The following GLIS3 variants were observed in gnomAD, a reference collection of about 807,000 sequenced individuals.
The protein encoded by GLIS3 is zinc finger protein GLIS3.
A neutral mutation model predicts 78.6 loss-of-function variants in GLIS3; 53 were observed. That is an observed-to-expected ratio of 0.67 (90% CI 0.54 to 0.85). The LOEUF (loss-of-function observed/expected upper bound fraction) is 0.85. Ranked by LOEUF, GLIS3 falls within the 40% of genes least tolerant of loss-of-function variation. GLIS3 has a pLI of 0.00. For synonymous variants in GLIS3, 684 were observed against 509.9 expected (o/e 1.34, Z -4.60); for missense variants, 1,703 against 1,231.1 (o/e 1.38, Z -5.74).
At chr9:4,205,371 A>C (rs2131279247) in intron 2 of GLIS3, among the ~76,000 whole-genome samples, 1 of 152,266 alleles carries the variant, frequency 6.6e-6, no homozygotes, top group Non-Finnish European at 1.5e-5. Flanking sequence ...CTCATATTCC[A>C]AAGCTCCTGG....
In GLIS3 at chr9:3,879,504, T is replaced by C. The variant is rs529255927; in HGVS notation, c.2220A>G (p.Gly740=). 3.1e-6 allele frequency: 5 copies of C among 1,613,998 alleles called. No individual in the cohort carries two copies. The highest frequency in any genetic ancestry group is 1.3e-5 in the African/African-American group (1 of 74,906). The change falls in exon 8 of 11, where the codon GGA becomes GGG. Residue 740 remains glycine (G), a synonymous_variant. Transcript: ENST00000381971. ...PPHPVSHPSP[G]HNVQGSPHNP... The stretch of plus-strand genomic sequence containing the variant: ...TGTGAGGGCTCCCCTGTACATTATG[T>C]CCTGGAGAAGGGTGACTGACAGGAT...
intron 2 of GLIS3, chr9:4,145,080 G>A (rs1251864917): frequency 6.6e-6 from 1 of 152,180 alleles, no homozygotes; most frequent in Non-Finnish European, 1.5e-5. Flanking sequence ...CCTTCATAAA[G>A]GTAAGGCAGA....
At chr9:4,451,770 G>T in the GLIS3 span, among the ~76,000 whole-genome samples, 3 of 152,048 alleles carry the variant, frequency 2.0e-5, no homozygotes, top group Non-Finnish European at 4.4e-5. Flanking sequence ...TGAAATGAAG[G>T]CAGAAATAAA....
chr9:3,882,151 C>T (rs1436550054), intron 7 of GLIS3, among the ~76,000 whole-genome samples: 1 of 152,186 alleles, frequency 6.6e-6, no homozygotes, highest in East Asian at 1.9e-4. Flanking sequence ...AACAAGACAT[C>T]CTCGGTGCCT....
chr9:4,230,928 C>G (rs1423417397), intron 2 of GLIS3, among the ~76,000 whole-genome samples: 1 of 152,024 alleles, frequency 6.6e-6, no homozygotes, highest in Non-Finnish European at 1.5e-5. Flanking sequence ...TGTTTAGAGC[C>G]AGGTGCAGTG....
chr9:4,344,847 C>G lies in GLIS3; in HGVS notation n.264+2234G>C, dbSNP rs140120143. On this transcript the variant is annotated intron_variant and non_coding_transcript_variant, in intron 2 of 4. Transcript: ENST00000471664. ...AATTCCTTGTCTGCTCTCTTCCTTT[C>G]AGATTGCCAAGGCTCACCCATCAGC... is the stretch of plus-strand genomic sequence containing the variant. Among the ~76,000 whole-genome samples, 243 of 152,332 alleles carry G rather than the reference C, an allele frequency of 1.6e-3. 1 individual carries two copies. Among genetic ancestry groups the G allele is most frequent in the Non-Finnish European group, 2.8e-3 (191 of 68,024 alleles).
At chr9:4,182,368 G>A (rs185502777) in intron 2 of GLIS3, among the ~76,000 whole-genome samples, 15 of 152,270 alleles carry the variant, frequency 9.9e-5, no homozygotes, top group African/African-American at 3.6e-4. Context: ...TAAATTGCCT[G>A]CATGGCTTTG....
intron 2 of GLIS3, among the ~76,000 whole-genome samples, chr9:4,254,765 G>C (rs1392215328): frequency 1.3e-5 from 2 of 151,826 alleles, no homozygotes; most frequent in East Asian, 1.9e-4. Flanking sequence ...GCTTGAGCCT[G>C]GGAAGCGGAG....
At chr9:4,344,817 G>T (rs1346118240) in intron 2 of GLIS3, among the ~76,000 whole-genome samples, 1 of 152,040 alleles carries the variant, frequency 6.6e-6, no homozygotes, top group African/African-American at 2.4e-5. Flanking sequence ...ATTTCCTAAG[G>T]CCAAAATTCC....
intron 2 of GLIS3, among the ~76,000 whole-genome samples, chr9:4,328,694 C>G (rs577682460): frequency 2.0e-5 from 3 of 152,220 alleles, no homozygotes; most frequent in Non-Finnish European, 4.4e-5. Flanking sequence ...TAGCTTGTGA[C>G]CTTGGGTGAA....
chr9:4,489,033 A>T, the GLIS3 span, among the ~76,000 whole-genome samples: 5 of 151,826 alleles, frequency 3.3e-5, no homozygotes, highest in Admixed American at 3.3e-4. Context: ...CGCCCGGCTA[A>T]TTTTTTTGTA....
At chr9:4,272,732 A>G (rs1367481841) in intron 2 of GLIS3, among the ~76,000 whole-genome samples, 2 of 152,238 alleles carry the variant, frequency 1.3e-5, no homozygotes, top group Admixed American at 1.3e-4. Context: ...CTATTAACTT[A>G]TATGAGGCTA....
the GLIS3 span, among the ~76,000 whole-genome samples, chr9:4,394,203 G>T: frequency 6.6e-6 from 1 of 151,692 alleles, no homozygotes; most frequent in African/African-American, 2.4e-5. Flanking sequence ...GCCCAGGATG[G>T]CTTGAGGATT....
the GLIS3 span, among the ~76,000 whole-genome samples, chr9:4,383,067 A>T: frequency 6.6e-6 from 1 of 152,186 alleles, no homozygotes. Flanking sequence ...CAGCAGTACC[A>T]ATAACTTGGG....
chr9:4,214,783 A>G (rs1292733404), intron 2 of GLIS3, among the ~76,000 whole-genome samples: 1 of 152,252 alleles, frequency 6.6e-6, no homozygotes, highest in Admixed American at 6.5e-5. Flanking sequence ...CATTGAGATT[A>G]CAAATTGCGT....
Position 4,075,343 on chromosome 9 carries a change from C to T in GLIS3, c.1710+42425G>A, listed in dbSNP as rs187079735. On this transcript the variant is annotated intron_variant, in intron 4 of 10. Transcript: ENST00000381971. Reference sequence around the variant, plus strand: ...CAGCACTTTGGGAGGCTGAGGTGGGCGGATGACAAGGTCAGGAGATAGAGA... The same window carrying T: ...CAGCACTTTGGGAGGCTGAGGTGGGTGGATGACAAGGTCAGGAGATAGAGA... 4.8e-3 allele frequency among the ~76,000 whole-genome samples: 715 copies of T among 148,786 alleles called. 10 individuals carry two copies. The highest frequency in any genetic ancestry group is 0.017 in the African/African-American group (685 of 40,352).
In GLIS3 at chr9:3,955,180, T is replaced by C. The variant is rs546347484; in HGVS notation, c.1711-17991A>G. ...GTTGCAAATGCATGGCCTCCCAGGG[T>C]AGTAATCAGGGAAGATGGCCCGCAT... On this transcript the variant is annotated intron_variant, in intron 4 of 10. Coordinates refer to ENST00000381971, the MANE Select transcript of GLIS3 (RefSeq NM_001042413.2). 1.1e-4 allele frequency among the ~76,000 whole-genome samples: 17 copies of C among 151,970 alleles called. No homozygotes were observed. The South Asian group carries it at 2.1e-3, about 19-fold the overall frequency.
the GLIS3 span, among the ~76,000 whole-genome samples, chr9:4,356,493 C>T: frequency 6.6e-6 from 1 of 152,154 alleles, no homozygotes. Flanking sequence ...GTTTCCTGGA[C>T]AATGGGAATG....
At chr9:4,056,585 G>C (rs187492675) in intron 4 of GLIS3, among the ~76,000 whole-genome samples, 1 of 152,162 alleles carries the variant, frequency 6.6e-6, no homozygotes, top group Non-Finnish European at 1.5e-5. Context: ...AAAGGTTGAA[G>C]AGAGAAGAGA....
Sources: gnomAD v4.1 joint callset for allele counts (sites outside exome capture counted in the v4.1 genomes callset) on GRCh38, gnomAD v4.1.1 for gene constraint, MANE v1.5 for transcripts, NCBI Gene and HGNC (gene_info 2026-07-23, HGNC 2026-07-21) for gene names.